The following RBFOX1 variants were observed in gnomAD, a reference collection of about 807,000 sequenced individuals.
RBFOX1 encodes the protein RNA binding protein fox-1 homolog 1.
In RBFOX1, 8 loss-of-function variants were observed where a neutral mutation model predicts 57.7. The observed-to-expected ratio is 0.14, with a 90% confidence interval of 0.08 to 0.25. RBFOX1 has a LOEUF of 0.25. RBFOX1 is among the 10% of genes least tolerant of loss of function. The pLI, the probability that RBFOX1 is intolerant of heterozygous loss-of-function variation, is 1.00. For missense variants in RBFOX1, 611 were observed against 548.5 expected (o/e 1.11, Z -1.14); for synonymous variants, 326 against 222.4 (o/e 1.47, Z -4.15).
At chr16:5,511,073 T>TG (rs1567177758) in intron 2 of RBFOX1, among the ~76,000 whole-genome samples, 1 of 152,094 alleles carries the variant, frequency 6.6e-6, no homozygotes. Context: ...CAATTGGCCG[T>TG]GAAAAAAAAC....
chr16:6,300,404 C>A (rs571890212), intron 1 of RBFOX1, among the ~76,000 whole-genome samples: 60 of 152,150 alleles, frequency 3.9e-4, no homozygotes, highest in Middle Eastern at 3.2e-3. Context: ...ATACATATTT[C>A]AAAACATCAT....
chr16:6,154,849 C>G (rs1251588946), intron 1 of RBFOX1, among the ~76,000 whole-genome samples: 2 of 151,968 alleles, frequency 1.3e-5, no homozygotes, highest in African/African-American at 4.8e-5. Context: ...AGAACAAATA[C>G]AAAACAATGT....
At chr16:6,722,894 C>T (rs1000224011) in intron 3 of RBFOX1, among the ~76,000 whole-genome samples, 28 of 152,140 alleles carry the variant, frequency 1.8e-4, no homozygotes, top group African/African-American at 6.5e-4. Context: ...GTCTGGCCCC[C>T]CGTGGGGTAG....
chr16:6,775,998 A>T (rs749735713), intron 3 of RBFOX1: 4 of 152,346 alleles, frequency 2.6e-5, no homozygotes, highest in Admixed American at 2.6e-4. Context: ...CACAGCCACA[A>T]ATTTCTTTCC....
intron 3 of RBFOX1, among the ~76,000 whole-genome samples, chr16:6,703,698 C>T (rs771733975): frequency 1.3e-5 from 2 of 151,956 alleles, no homozygotes; most frequent in South Asian, 2.1e-4. Context: ...CACAGTTAGA[C>T]CCAGTTTCAA....
chr16:7,169,138 G>A lies in RBFOX1; in HGVS notation c.27+117040G>A, dbSNP rs544556828. Among the ~76,000 whole-genome samples, 198 of 152,262 alleles carry A rather than the reference G, an allele frequency of 1.3e-3. 1 individual carries two copies. The highest frequency in any genetic ancestry group is 4.6e-3 in the African/African-American group (193 of 41,552). On this transcript the variant is annotated intron_variant, in intron 4 of 15. Coordinates refer to ENST00000550418, the MANE Select transcript of RBFOX1 (RefSeq NM_018723.4). Reference sequence around the variant, plus strand: ...ATGTGAAGTTCTCACCTATTAAGAAGGCAACACCAATAATTGTTTCAAATT... The same window carrying A: ...ATGTGAAGTTCTCACCTATTAAGAAAGCAACACCAATAATTGTTTCAAATT...
At chr16:6,781,368 T>C (rs953737890) in intron 3 of RBFOX1, among the ~76,000 whole-genome samples, 1 of 152,134 alleles carries the variant, frequency 6.6e-6, no homozygotes, top group African/African-American at 2.4e-5. Flanking sequence ...GTTCATCAGA[T>C]ATATTAGTCT....
intron 2 of RBFOX1, among the ~76,000 whole-genome samples, chr16:6,636,065 T>A (rs2098429227): frequency 6.6e-6 from 1 of 152,202 alleles, no homozygotes; most frequent in Non-Finnish European, 1.5e-5. Context: ...TTGAGTGTAT[T>A]TTGACTGCAG....
At chr16:6,830,795 C>T (rs889740283) in intron 3 of RBFOX1, among the ~76,000 whole-genome samples, 1 of 152,024 alleles carries the variant, frequency 6.6e-6, no homozygotes, top group Non-Finnish European at 1.5e-5. Context: ...GGTAAGGGGT[C>T]GAGAGAGTCA....
In RBFOX1 at chr16:6,143,959, C is replaced by CTATATATA. The variant is rs71142686; in HGVS notation, c.-127+123983_-127+123990dup. Among the ~76,000 whole-genome samples the CTATATATA allele has an allele frequency of 5.3e-3, 737 of 139,924 alleles. 8 individuals are homozygous for CTATATATA. The highest frequency in any genetic ancestry group is 0.016 in the African/African-American group (570 of 35,612). The allele number at this position is 139,924 out of a possible 152,430, so 91.8% of individuals were successfully genotyped here. A position where few individuals can be genotyped will look rare whatever the true frequency, so the allele number is the denominator to read the frequency against. ...TGCAGGTGTGCAACACCATACTCAGCTATATATATATATATATATATATCT... is the reference window on the plus strand; with the variant it reads ...TGCAGGTGTGCAACACCATACTCAGCTATATATATATATATATATATATATATATATCT... On this transcript the variant is annotated intron_variant, in intron 1 of 15. Coordinates refer to ENST00000550418, the MANE Select transcript of RBFOX1 (RefSeq NM_018723.4).
chr16:5,581,165 A>T (rs1860304), intron 2 of RBFOX1, among the ~76,000 whole-genome samples: 52 of 152,032 alleles, frequency 3.4e-4, no homozygotes, highest in South Asian at 1.5e-3. Context: ...TCCTATGTGC[A>T]TTTTTTTTTC....
At chr16:6,920,650 A>G (rs2074262405) in intron 3 of RBFOX1, among the ~76,000 whole-genome samples, 1 of 152,174 alleles carries the variant, frequency 6.6e-6, no homozygotes, top group African/African-American at 2.4e-5. Context: ...GAGGGAGAAT[A>G]CATTTCATAC....
At chr16:7,511,361 AAAC>A (rs2152055573) in intron 4 of RBFOX1, among the ~76,000 whole-genome samples, 1 of 152,294 alleles carries the variant, frequency 6.6e-6, no homozygotes, top group African/African-American at 2.4e-5. Context: ...CTTGGGGAAA[AAAC>A]AACGACAACA....
chr16:7,438,607 T>C (rs567254988), intron 4 of RBFOX1, among the ~76,000 whole-genome samples: 48 of 152,328 alleles, frequency 3.2e-4, no homozygotes, highest in African/African-American at 1.1e-3. Context: ...CGTGTCTGCA[T>C]TTAGCCATTG....
At chr16:5,528,725 C>G (rs1295852031) in intron 2 of RBFOX1, among the ~76,000 whole-genome samples, 1 of 151,740 alleles carries the variant, frequency 6.6e-6, no homozygotes, top group Non-Finnish European at 1.5e-5. Context: ...TCTCGGCTCA[C>G]TGCAACCTCC....
chr16:7,072,777 A>T (rs2057582461), intron 4 of RBFOX1, among the ~76,000 whole-genome samples: 1 of 152,244 alleles, frequency 6.6e-6, no homozygotes, highest in Admixed American at 6.5e-5. Context: ...GTGATCCTTC[A>T]GAGAATCGGA....
intron 3 of RBFOX1, among the ~76,000 whole-genome samples, chr16:6,928,497 A>T (rs1263123912): frequency 6.6e-6 from 1 of 152,154 alleles, no homozygotes; most frequent in Non-Finnish European, 1.5e-5. Context: ...GACTGCTTTC[A>T]TGCGTTAATT....
chr16:7,664,600 A>G (rs2068687216), intron 12 of RBFOX1, among the ~76,000 whole-genome samples: 1 of 152,120 alleles, frequency 6.6e-6, no homozygotes, highest in African/African-American at 2.4e-5. Context: ...TAAGATGCTC[A>G]TGTCTGTCTG....
At chr16:5,906,727 CTTTTTTTTTTTTTTTTT>C (rs57589514) in intron 4 of RBFOX1, among the ~76,000 whole-genome samples, 1 of 71,490 alleles carries the variant, frequency 1.4e-5, no homozygotes, top group South Asian at 7.1e-4. Context: ...ATCCTAGATT[CTTTTTTTTTTTTTTTTT>C]TTTTTTTTGA....
Sources: gnomAD v4.1 joint callset for allele counts (sites outside exome capture counted in the v4.1 genomes callset) on GRCh38, gnomAD v4.1.1 for gene constraint, MANE v1.5 for transcripts, NCBI Gene and HGNC (gene_info 2026-07-23, HGNC 2026-07-21) for gene names.